Variants in RAB7A observed in about 807,000 individuals in gnomAD.
RAB7A encodes ras-related protein Rab-7a.
A neutral mutation model predicts 24.5 loss-of-function variants in RAB7A; 2 were observed. The ratio of observed to expected loss-of-function variants is 0.08; its 90% confidence interval spans 0.03 to 0.26. The LOEUF (loss-of-function observed/expected upper bound fraction) is 0.26, where lower values mean the gene tolerates loss of function less well. Among genes scored for constraint, RAB7A ranks in the 10% least tolerant of loss-of-function variants. The pLI, the probability that RAB7A is intolerant of heterozygous loss-of-function variation, is 1.00. For synonymous variants in RAB7A, 100 were observed against 95.9 expected (o/e 1.04, Z -0.25); for missense variants, 118 against 255.7 (o/e 0.46, Z 3.67).
intron 1 of RAB7A, among the ~76,000 whole-genome samples, chr3:128,776,945 T>TACACACACACACACACACAC (rs71153145): frequency 2.1e-5 from 3 of 142,358 alleles, no homozygotes; most frequent in Admixed American, 7.0e-5. Context: ...TTAGTTGAGC[T>TACACACACACACACACACAC]ACACACACAC....
intron 1 of RAB7A, among the ~76,000 whole-genome samples, chr3:128,743,244 C>A (rs2070573205): frequency 6.6e-6 from 1 of 152,206 alleles, no homozygotes. Context: ...CCACACCCAC[C>A]CGGAACTCCC....
At chr3:128,744,948 A>G (rs1212706502) in intron 1 of RAB7A, among the ~76,000 whole-genome samples, 2 of 145,336 alleles carry the variant, frequency 1.4e-5, no homozygotes, top group Non-Finnish European at 3.0e-5. Flanking sequence ...ATCTCGGCTC[A>G]CTGCAAGCTC....
At chr3:128,726,396 C>T (rs917000539) in intron 1 of RAB7A, 37 bp downstream of exon 1, 4 of 152,314 alleles carry the variant, frequency 2.6e-5, no homozygotes, top group African/African-American at 7.2e-5. Flanking sequence ...CGGCCTGGCC[C>T]CATCCCCCCC....
intron 1 of RAB7A, among the ~76,000 whole-genome samples, chr3:128,780,662 T>C (rs1432748041): frequency 6.6e-6 from 1 of 152,194 alleles, no homozygotes; most frequent in African/African-American, 2.4e-5. Flanking sequence ...CTACTGCTTC[T>C]GAATTAAAAA....
At chr3:128,772,486 A>T (rs971546678) in intron 1 of RAB7A, among the ~76,000 whole-genome samples, 7 of 152,198 alleles carry the variant, frequency 4.6e-5, no homozygotes, top group African/African-American at 1.7e-4. Flanking sequence ...GGGGTTGTGA[A>T]TTAAATTCCT....
At chr3:128,803,602 A>G (rs1170255279) in intron 3 of RAB7A, among the ~76,000 whole-genome samples, 1 of 152,232 alleles carries the variant, frequency 6.6e-6, no homozygotes, top group Non-Finnish European at 1.5e-5. Flanking sequence ...GAGAGTTGTA[A>G]TGAGAGTTAT....
chr3:128,728,363 G>A (rs2070400662), intron 1 of RAB7A, among the ~76,000 whole-genome samples: 1 of 152,228 alleles, frequency 6.6e-6, no homozygotes, highest in South Asian at 2.1e-4. Context: ...TCTTCAGAGA[G>A]TGTAGAAGAT....
intron 1 of RAB7A, among the ~76,000 whole-genome samples, chr3:128,743,353 G>T (rs2070575542): frequency 6.6e-6 from 1 of 152,248 alleles, no homozygotes; most frequent in African/African-American, 2.4e-5. Flanking sequence ...GCCTTGGCCA[G>T]CCCAGAGAGG....
intron 1 of RAB7A, among the ~76,000 whole-genome samples, chr3:128,783,789 C>G (rs1933272660): frequency 6.6e-6 from 1 of 152,232 alleles, no homozygotes; most frequent in African/African-American, 2.4e-5. Flanking sequence ...GGGAACTTCT[C>G]TGAAGCTTGT....
At chr3:128,762,482 C>G (rs1045401621) in intron 1 of RAB7A, among the ~76,000 whole-genome samples, 1 of 152,104 alleles carries the variant, frequency 6.6e-6, no homozygotes, top group East Asian at 1.9e-4. Flanking sequence ...CTTATCACCC[C>G]CCTACTTCCC....
rs532276702 is a variant in RAB7A, at chr3:128,747,856, C to T, written c.-9+21497C>T. On this transcript the variant is annotated intron_variant, in intron 1 of 5. Transcript: ENST00000265062. ...GATCTTGGCTCACTGCAACCTCCGC[C>T]TCATGGGCTCAAGCAATTCTCCTGC... is the stretch of plus-strand genomic sequence containing the variant. 2.4e-4 allele frequency among the ~76,000 whole-genome samples: 37 copies of T among 151,512 alleles called. 2 individuals are homozygous for T. Among genetic ancestry groups the T allele is most frequent in the African/African-American group, 8.6e-4 (35 of 40,908 alleles).
intron 1 of RAB7A, among the ~76,000 whole-genome samples, chr3:128,778,414 T>A (rs1033127806): frequency 5.3e-5 from 8 of 152,178 alleles, no homozygotes; most frequent in Non-Finnish European, 1.2e-4. Context: ...TGTGCATACA[T>A]TGTGGCTCCT....
chr3:128,798,453 T>C (rs1483344728), intron 3 of RAB7A: 5 of 225,878 alleles, frequency 2.2e-5, no homozygotes, highest in Non-Finnish European at 4.5e-5. Context: ...ACCTCAGTAG[T>C]GAGACATAAA....
rs548234224 is a variant in RAB7A at position 128,776,199 on chromosome 3, T to C, written c.-8-19161T>C. On this transcript the variant is annotated intron_variant, in intron 1 of 5. Transcript: ENST00000265062. ...GTAATGTTCTCCAGGTTCATCCTCG[T>C]TGTGGCAAATGACATAATTTCTTTG... Among the ~76,000 whole-genome samples, 5 of 152,368 alleles carry C rather than the reference T, an allele frequency of 3.3e-5. No individual in the cohort carries two copies. The East Asian group carries it at 7.7e-4, about 23-fold the overall frequency.
In RAB7A at chr3:128,793,843, G is replaced by A. The variant is rs374070069; in HGVS notation, c.-8-1517G>A. On this transcript the variant is annotated intron_variant, in intron 1 of 5. Transcript: ENST00000265062. ...ACCGTGTCTTCACAGTCCAGCCATG[G>A]GCATGAGGCTTTTGGCAGAGAAACA... Among the ~76,000 whole-genome samples the A allele has an allele frequency of 1.1e-4, 16 of 152,294 alleles. 1 individual carries two copies. Among genetic ancestry groups the A allele is most frequent in the Admixed American group, 3.3e-4 (5 of 15,296 alleles).
At chr3:128,802,419 C>A (rs1933719029) in intron 3 of RAB7A, among the ~76,000 whole-genome samples, 1 of 152,180 alleles carries the variant, frequency 6.6e-6, no homozygotes, top group Admixed American at 6.5e-5. Flanking sequence ...AGCACAGGAA[C>A]AGAGGGCACA....
At chr3:128,811,225 C>T (rs1933920339) in intron 5 of RAB7A, among the ~76,000 whole-genome samples, 1 of 152,042 alleles carries the variant, frequency 6.6e-6, no homozygotes, top group Non-Finnish European at 1.5e-5. Context: ...CTTCTGGGCT[C>T]CAGCAGTCTT....
intron 1 of RAB7A, among the ~76,000 whole-genome samples, chr3:128,756,845 T>C (rs913386754): frequency 5.9e-5 from 7 of 117,894 alleles, no homozygotes; most frequent in East Asian, 2.4e-4. Context: ...ATTCGCTATC[T>C]TTTTTTTTTT....
intron 1 of RAB7A, among the ~76,000 whole-genome samples, chr3:128,747,765 G>GTT (rs1413186731): frequency 6.7e-6 from 1 of 148,266 alleles, no homozygotes; most frequent in Non-Finnish European, 1.5e-5. Context: ...ATTTTGTTTT[G>GTT]TTTTGTTTTG....
Sources: gnomAD v4.1 joint callset for allele counts (sites outside exome capture counted in the v4.1 genomes callset) on GRCh38, gnomAD v4.1.1 for gene constraint, MANE v1.5 for transcripts, NCBI Gene and HGNC (gene_info 2026-07-23, HGNC 2026-07-21) for gene names.